ROPN1: variants seen among roughly 807,000 people sequenced by gnomAD.
The protein encoded by ROPN1 is ropporin-1A.
Under a neutral mutation model 20.5 loss-of-function variants are expected in ROPN1, and 14 were observed. The ratio of observed to expected loss-of-function variants is 0.68; its 90% CI spans 0.45 to 1.07. ROPN1 has a LOEUF of 1.07. ROPN1 is among the 50% of genes least tolerant of loss of function. The probability of loss-of-function intolerance (pLI) is 0.00; values close to 1 mark genes in which losing one functional copy is unlikely to be tolerated. For synonymous variants in ROPN1, 76 were observed against 95.7 expected, an observed-to-expected ratio of 0.79 and a Z score of 1.20; for missense variants, 169 against 242.8, an observed-to-expected ratio of 0.70 and a Z score of 2.02.
intron 2 of ROPN1, chr3:123,979,287 C>T: frequency 5.6e-6 from 2 of 354,906 alleles, no homozygotes; most frequent in Non-Finnish European, 1.1e-5. Flanking sequence ...TCAAAGGTGT[C>T]CACACTCTCC....
intron 2 of ROPN1, among the ~76,000 whole-genome samples, chr3:123,977,746 A>G (rs2038053445): frequency 6.6e-6 from 1 of 152,148 alleles, no homozygotes; most frequent in African/African-American, 2.4e-5. Context: ...CTGAAATGAA[A>G]CTGTTTCTCC....
intron 1 of ROPN1, among the ~76,000 whole-genome samples, chr3:123,991,682 C>T (rs2038413155): frequency 8.0e-6 from 1 of 125,602 alleles, no homozygotes; most frequent in Non-Finnish European, 1.7e-5. Flanking sequence ...AACCACTGTC[C>T]TCCGGGTAAG....
chr3:123,984,259 A>C (rs961387879), intron 1 of ROPN1, among the ~76,000 whole-genome samples: 5 of 151,872 alleles, frequency 3.3e-5, no homozygotes, highest in Non-Finnish European at 7.4e-5. Flanking sequence ...CTTCTATTTC[A>C]TACTTCCCAT....
chr3:123,976,768 A>G (rs1402795991), intron 3 of ROPN1, 96 bp downstream of exon 3: 2 of 1,201,658 alleles, frequency 1.7e-6, no homozygotes, highest in Non-Finnish European at 2.4e-6. Context: ...CTAAGTGGTC[A>G]GCTGACTGTC....
intron 3 of ROPN1, among the ~76,000 whole-genome samples, chr3:123,976,644 G>A (rs1299559692): frequency 6.6e-6 from 1 of 152,206 alleles, no homozygotes. Flanking sequence ...CAGCTTCAAG[G>A]AAATCTGGGA....
chr3:123,981,360 TGAA>T (rs2038143310), intron 1 of ROPN1: 2 of 153,148 alleles, frequency 1.3e-5, no homozygotes, highest in South Asian at 4.2e-4. Flanking sequence ...GCTGGGCAAA[TGAA>T]GAAACTAGGG....
intron 1 of ROPN1, among the ~76,000 whole-genome samples, chr3:123,982,382 A>G (rs1052406483): frequency 6.6e-6 from 1 of 152,172 alleles, no homozygotes; most frequent in Non-Finnish European, 1.5e-5. Context: ...TAATATTATA[A>G]TAAAGAGTAA....
intron 1 of ROPN1, among the ~76,000 whole-genome samples, chr3:123,986,417 T>A (rs114727728): frequency 6.6e-6 from 1 of 151,490 alleles, no homozygotes; most frequent in Non-Finnish European, 1.5e-5. Context: ...GGAGCAGGGG[T>A]CCCTGATGGA....
chr3:123,975,250 A>G, intron 4 of ROPN1, 129 bp downstream of exon 4: 1 of 1,378,390 alleles, frequency 7.3e-7, no homozygotes, highest in South Asian at 1.3e-5. Flanking sequence ...AGAGAGGAGA[A>G]GGACAAGAGG....
intron 1 of ROPN1, chr3:123,980,815 T>C (rs1308299400): frequency 1.3e-5 from 3 of 227,692 alleles, no homozygotes; most frequent in Non-Finnish European, 2.5e-5. Context: ...TTTCAGTATA[T>C]ATATGTTTGT....
intron 2 of ROPN1, chr3:123,979,534 G>A (rs1471455337): frequency 2.6e-6 from 1 of 388,116 alleles, no homozygotes; most frequent in Non-Finnish European, 5.1e-6. Context: ...GTTTGTCCAA[G>A]GAGCAATTTC....
intron 4 of ROPN1, chr3:123,974,473 G>A (rs1394437321): frequency 2.0e-5 from 3 of 152,120 alleles, no homozygotes; most frequent in Middle Eastern, 3.2e-3. Flanking sequence ...GAATCTATAG[G>A]AAATTTGGAC....
chr3:123,970,684 C>T (rs555240415), intron 4 of ROPN1, among the ~76,000 whole-genome samples: 3 of 152,214 alleles, frequency 2.0e-5, no homozygotes, highest in Admixed American at 6.5e-5. Context: ...AGGGTAATTT[C>T]CCCAGGAAAA....
chr3:123,973,474 T>C (rs1212466551), intron 4 of ROPN1, among the ~76,000 whole-genome samples: 2 of 152,114 alleles, frequency 1.3e-5, no homozygotes, highest in African/African-American at 4.8e-5. Flanking sequence ...TAGATGAACC[T>C]CATGGAATAT....
At chr3:123,971,387 A>G (rs1428113721) in intron 4 of ROPN1, among the ~76,000 whole-genome samples, 2 of 152,258 alleles carry the variant, frequency 1.3e-5, no homozygotes, top group Non-Finnish European at 2.9e-5. Context: ...AATTGAGTTA[A>G]TATTTCAAAT....
At chr3:123,979,800 A>G (rs1228852045) in intron 2 of ROPN1, 2 of 348,870 alleles carry the variant, frequency 5.7e-6, no homozygotes, top group African/African-American at 4.3e-5. Context: ...GAAAATAACA[A>G]TAATTTCCTC....
At chr3:123,978,127 C>T (rs182913218) in intron 2 of ROPN1, among the ~76,000 whole-genome samples, 19 of 152,306 alleles carry the variant, frequency 1.2e-4, no homozygotes, top group Admixed American at 1.0e-3. Context: ...CATTGCCTGT[C>T]TCTGAGCCAC....
rs539070735 is a variant in ROPN1 at position 123,980,159 on chromosome 3, C to T, written c.116+207G>A. 3 of 608,730 alleles carry T rather than the reference C, an allele frequency of 4.9e-6. No homozygotes were observed. In the African/African-American group the frequency reaches 5.5e-5, roughly 11 times the overall value. The allele number at this position is 608,730 out of a possible 1,614,324, so 37.7% of individuals were successfully genotyped here. A position where few individuals can be genotyped will look rare whatever the true frequency, so the allele number is the denominator to read the frequency against. ...GGCGTCCTACTGCTCAATCTGGCTC[C>T]CTTAGGGGAGGCATCCCATCCTTGC... On this transcript the variant is annotated intron_variant, in intron 2 of 5. Transcript: ENST00000405845.
intron 4 of ROPN1, 41 bp from the exon 5 acceptor site, chr3:123,970,258 A>G (rs1424482695): frequency 6.4e-7 from 1 of 1,565,026 alleles, no homozygotes. Flanking sequence ...TTACTCTTCC[A>G]GGCAATATTC....
Sources: gnomAD v4.1 joint callset for allele counts (sites outside exome capture counted in the v4.1 genomes callset) on GRCh38, gnomAD v4.1.1 for gene constraint, MANE v1.5 for transcripts, NCBI Gene and HGNC (gene_info 2026-07-23, HGNC 2026-07-21) for gene names.